Variants in UBE2O observed in about 807,000 individuals in gnomAD.
UBE2O encodes ubiquitin conjugating enzyme E2 O, also known as (E3-independent) E2 ubiquitin-conjugating enzyme.
In UBE2O, 15 loss-of-function variants were observed where a neutral mutation model predicts 125.8. The ratio of observed to expected loss-of-function variants is 0.12; its 90% confidence interval spans 0.08 to 0.18. The LOEUF is 0.18. Among genes scored for constraint, UBE2O ranks in the 10% least tolerant of loss-of-function variants. UBE2O has a pLI of 1.00. For missense variants in UBE2O, 1,280 were observed against 1,723.6 expected (o/e 0.74, Z 4.56); for synonymous variants, 708 against 703.2 (o/e 1.01, Z -0.11).
intron 1 of UBE2O, among the ~76,000 whole-genome samples, chr17:76,409,756 G>A (rs966859949): frequency 6.6e-6 from 1 of 152,192 alleles, no homozygotes; most frequent in East Asian, 1.9e-4. Context: ...ACCCAGGACC[G>A]ACATCCTCTG....
rs536544911 is a variant in UBE2O at position 76,420,738 on chromosome 17, G to C, written c.418-15166C>G. On this transcript the variant is annotated intron_variant, in intron 1 of 17. Transcript: ENST00000319380. ...AAGAGACACAAGACGTCCTGGGATC[G>C]AGTGCAAGCTGGGGTCTTGCACCAC... 8.5e-5 allele frequency among the ~76,000 whole-genome samples: 13 copies of C among 152,292 alleles called. No homozygotes were observed. In the East Asian group the frequency reaches 2.5e-3, roughly 29 times the overall value.
At chr17:76,440,551 C>T (rs539557582) in intron 1 of UBE2O, among the ~76,000 whole-genome samples, 11 of 152,356 alleles carry the variant, frequency 7.2e-5, no homozygotes, top group African/African-American at 2.6e-4. Flanking sequence ...TGGTCTCGAA[C>T]TCCTGGCCTC....
intron 15 of UBE2O, among the ~76,000 whole-genome samples, chr17:76,394,863 T>G (rs7209271): frequency 6.6e-6 from 1 of 150,778 alleles, no homozygotes; most frequent in Admixed American, 6.7e-5. Flanking sequence ...AATCATAATA[T>G]AATTAATTTC....
intron 1 of UBE2O, among the ~76,000 whole-genome samples, chr17:76,409,886 G>A (rs1441039625): frequency 6.6e-6 from 1 of 152,192 alleles, no homozygotes; most frequent in Admixed American, 6.5e-5. Flanking sequence ...ACGCAGAGAA[G>A]GTGGTACCAA....
chr17:76,407,863 AG>A (rs1467754779), intron 1 of UBE2O, among the ~76,000 whole-genome samples: 2 of 152,238 alleles, frequency 1.3e-5, no homozygotes, highest in Non-Finnish European at 2.9e-5. Context: ...TGCTGCCTCC[AG>A]GGGCTCTTCT....
chr17:76,443,562 T>G (rs2143903299), intron 1 of UBE2O, among the ~76,000 whole-genome samples: 1 of 152,064 alleles, frequency 6.6e-6, no homozygotes, highest in South Asian at 2.1e-4. Flanking sequence ...ATGCTGGGAT[T>G]ACAGGCGTGA....
In UBE2O at chr17:76,452,869, G is replaced by A; in HGVS notation, c.273C>T (p.Gly91=). 6.7e-7 allele frequency: 1 copy of A among 1,503,534 alleles called. No individual in the cohort carries two copies. The highest frequency in any genetic ancestry group is 8.9e-7 in the Non-Finnish European group (1 of 1,125,966). 93.1% of individuals were successfully genotyped at this position (1,503,534 alleles called of 1,614,324 possible). Residue 91 remains glycine (G), a synonymous_variant, in exon 1 of 18, where the codon GGC becomes GGT. Transcript: ENST00000319380. This position sits in a 1 kb window ranked among gnomAD's most constrained non-coding sequence, Gnocchi z 4.4. ...CCGAGCTCCCGCGGCCCTCCTCCTCGCCCTCCGAGTCCGAGTCCTCGCCGT... is the reference window on the plus strand; with the variant it reads ...CCGAGCTCCCGCGGCCCTCCTCCTCACCCTCCGAGTCCGAGTCCTCGCCGT... ...LIHGEDSDSE[G]EEEGRGSSGC... is the part of the protein sequence containing the mutation.
intron 1 of UBE2O, among the ~76,000 whole-genome samples, chr17:76,426,055 T>A (rs1281893849): frequency 6.6e-6 from 1 of 152,176 alleles, no homozygotes. Context: ...TAGGCTGGAG[T>A]GTAGTGGTGT....
At position 76,425,225 on chromosome 17, in the gene UBE2O, CAAAAAAAAAAAAAAAA is replaced by C. The variant is rs58377572; in HGVS notation, c.418-19669_418-19654del. 8.9e-3 allele frequency among the ~76,000 whole-genome samples: 846 copies of C among 95,144 alleles called. 15 individuals carry two copies. The highest frequency in any genetic ancestry group is 0.027 in the African/African-American group (778 of 29,016). 62.4% of individuals were successfully genotyped at this position (95,144 alleles called of 152,430 possible). On this transcript the variant is annotated intron_variant, in intron 1 of 17. Transcript: ENST00000319380. ...TGGTCACTTCTCAAGGTCCTTTCGA[CAAAAAAAAAAAAAAAA>C]AAAAAAAAAGTAAAAGAAAAAAATG...
At position 76,396,753 on chromosome 17, in the gene UBE2O, C is replaced by T. The variant is rs749110407; in HGVS notation, c.2184G>A (p.Gly728=). The change falls in exon 14 of 18, where the codon GGG becomes GGA. Residue 728 remains glycine (G), a synonymous_variant. Transcript: ENST00000319380. This position sits in a 1 kb window ranked among gnomAD's most constrained non-coding sequence, Gnocchi z 6.7. The part of the protein sequence containing the change: ...DYDSVEGSTS[G]ASSDEWEDDS... Reference sequence around the variant, plus strand: ...CATCTTCCCATTCATCCGAGGATGCCCCGCTGGTGCTGCCTTCTACCGAAT... The same window carrying T: ...CATCTTCCCATTCATCCGAGGATGCTCCGCTGGTGCTGCCTTCTACCGAAT... 4.3e-6 allele frequency: 7 copies of T among 1,613,732 alleles called. No individual in the cohort carries two copies. The East Asian group carries it at 6.7e-5, about 15-fold the overall frequency.
rs2072191391 is a variant in UBE2O, at chr17:76,395,518, G to A, written c.2946+207C>T. 2 of 531,790 alleles carry A rather than the reference G, an allele frequency of 3.8e-6. No individual in the cohort carries two copies. The highest frequency in any genetic ancestry group is 6.5e-6 in the Non-Finnish European group (2 of 309,422). The allele number at this position is 531,790 out of a possible 1,614,324, so 32.9% of individuals were successfully genotyped here. On this transcript the variant is annotated intron_variant, in intron 15 of 17. Transcript: ENST00000319380. The surrounding 1 kb of genome is among the most constrained non-coding windows in gnomAD (Gnocchi z 5.0). The stretch of plus-strand genomic sequence containing the variant: ...AGAAAGTAATTTTTTAAAGGAGGGA[G>A]GAAAGAAAGAACCATCTGGCCTGGA...
In UBE2O at chr17:76,402,748, T is replaced by A. The variant is rs2143717913; in HGVS notation, c.589-49A>T. The A allele has an allele frequency of 1.4e-6, 2 of 1,478,866 alleles. No individual in the cohort carries two copies. The highest frequency in any genetic ancestry group is 4.5e-5 in the East Asian group (2 of 44,240). 91.6% of individuals were successfully genotyped at this position (1,478,866 alleles called of 1,614,324 possible). ...AGTGAGACACAGCAGACAACGTTCA[T>A]GTCCAGGGCACAGATTCCTCTATGC... On this transcript the variant is annotated intron_variant, in intron 3 of 17. Transcript: ENST00000319380. This position sits in a 1 kb window ranked among gnomAD's most constrained non-coding sequence, Gnocchi z 5.4.
At chr17:76,441,377 G>A (rs1379073137) in intron 1 of UBE2O, among the ~76,000 whole-genome samples, 1 of 152,192 alleles carries the variant, frequency 6.6e-6, no homozygotes, top group Admixed American at 6.5e-5. Context: ...CAATGGGGAG[G>A]AAGAAAGAGG....
At chr17:76,451,182 T>C (rs1469557210) in intron 1 of UBE2O, among the ~76,000 whole-genome samples, 3 of 152,120 alleles carry the variant, frequency 2.0e-5, no homozygotes, top group East Asian at 1.9e-4. Context: ...CTCAAATAGA[T>C]GGGTGGTGAA....
intron 1 of UBE2O, among the ~76,000 whole-genome samples, chr17:76,447,340 T>G (rs1017146967): frequency 2.6e-5 from 4 of 152,198 alleles, no homozygotes; most frequent in African/African-American, 9.6e-5. Flanking sequence ...TCAGCTTCCT[T>G]CTCTGGAATA....
chr17:76,442,468 T>C (rs2143898214), intron 1 of UBE2O, among the ~76,000 whole-genome samples: 1 of 152,258 alleles, frequency 6.6e-6, no homozygotes, highest in Middle Eastern at 3.4e-3. Flanking sequence ...TTGTAGTAAG[T>C]GGGAGGGAGC....
At chr17:76,394,072 G>GTTA (rs915265310) in intron 15 of UBE2O, among the ~76,000 whole-genome samples, 1 of 152,202 alleles carries the variant, frequency 6.6e-6, no homozygotes, top group African/African-American at 2.4e-5. Flanking sequence ...AACCAAAAGC[G>GTTA]TTATTAAGAA....
intron 15 of UBE2O, among the ~76,000 whole-genome samples, chr17:76,394,984 T>C (rs1477262757): frequency 6.6e-6 from 1 of 151,996 alleles, no homozygotes; most frequent in East Asian, 1.9e-4. Flanking sequence ...CAAGTGATTC[T>C]CCTGCCTCAG....
intron 1 of UBE2O, among the ~76,000 whole-genome samples, chr17:76,435,902 C>T (rs2143868054): frequency 6.6e-6 from 1 of 152,362 alleles, no homozygotes; most frequent in African/African-American, 2.4e-5. Context: ...AGTTCTAGCC[C>T]TCTAGATGCT....
Sources: allele counts gnomAD v4.1 joint callset (sites outside exome capture counted in the v4.1 genomes callset), GRCh38; gene constraint gnomAD v4.1.1; non-coding constraint Gnocchi (gnomAD v3.1); transcripts MANE v1.5; gene names NCBI Gene and HGNC (gene_info 2026-07-23, HGNC 2026-07-21).